Variants in HS6ST3 observed in about 807,000 individuals in gnomAD.
The protein encoded by HS6ST3 is heparan-sulfate 6-O-sulfotransferase 3.
Under a neutral mutation model 36.7 loss-of-function variants are expected in HS6ST3, and 12 were observed. The ratio of observed to expected loss-of-function variants is 0.33; its 90% CI spans 0.21 to 0.53. The LOEUF is 0.53. HS6ST3 is among the 20% of genes least tolerant of loss of function. The pLI is 0.95. For missense variants in HS6ST3, 584 were observed against 640.9 expected (o/e 0.91, Z 0.96); for synonymous variants, 240 against 257.5 (o/e 0.93, Z 0.65).
chr13:96,517,007 A>G (rs1184608114), intron 1 of HS6ST3, among the ~76,000 whole-genome samples: 1 of 152,140 alleles, frequency 6.6e-6, no homozygotes, highest in Non-Finnish European at 1.5e-5. Context: ...CAGTGTTTGA[A>G]AGCTCCCAGA....
chr13:96,358,276 G>C (rs925330790), intron 1 of HS6ST3, among the ~76,000 whole-genome samples: 14 of 142,588 alleles, frequency 9.8e-5, no homozygotes, highest in African/African-American at 3.7e-4. Context: ...GGAGAAAGGT[G>C]GTGGGGCATA....
At chr13:96,723,500 G>A (rs1054359414) in intron 1 of HS6ST3, among the ~76,000 whole-genome samples, 2 of 152,204 alleles carry the variant, frequency 1.3e-5, no homozygotes, top group African/African-American at 4.8e-5. Context: ...TTAAGCCGCT[G>A]TTATTTAGAG....
At position 96,090,831 on chromosome 13, in the gene HS6ST3, G is replaced by A. The variant is rs1386268135; in HGVS notation, c.-32G>A. 3 of 1,463,318 alleles carry A rather than the reference G, an allele frequency of 2.1e-6. No individual in the cohort carries two copies. The highest frequency in any genetic ancestry group is 1.3e-5 in the South Asian group (1 of 76,612). The allele number at this position is 1,463,318 out of a possible 1,614,324, so 90.6% of individuals were successfully genotyped here. A position where few individuals can be genotyped will look rare whatever the true frequency, so the allele number is the denominator to read the frequency against. ...CGTCCGCCCTGCCGCCGCCGCCGCC[G>A]CCGCTTCGCCTGCCGGCCTGAGAGC... is the stretch of plus-strand genomic sequence containing the variant. On this transcript the variant is annotated 5_prime_UTR_variant, in exon 1 of 2. Coordinates refer to ENST00000376705, the MANE Select transcript of HS6ST3 (RefSeq NM_153456.4).
intron 1 of HS6ST3, among the ~76,000 whole-genome samples, chr13:96,262,680 A>G (rs903965142): frequency 1.1e-4 from 17 of 152,226 alleles, no homozygotes; most frequent in African/African-American, 4.1e-4. Flanking sequence ...TGTTGTACTC[A>G]TGCATCAACC....
intron 1 of HS6ST3, among the ~76,000 whole-genome samples, chr13:96,797,972 C>T (rs1478028831): frequency 1.3e-5 from 2 of 152,066 alleles, no homozygotes; most frequent in African/African-American, 4.8e-5. Context: ...TCCTACACCA[C>T]ACTTCTGATG....
intron 1 of HS6ST3, among the ~76,000 whole-genome samples, chr13:96,164,466 A>T (rs1594700610): frequency 6.6e-6 from 1 of 151,772 alleles, no homozygotes; most frequent in Non-Finnish European, 1.5e-5. Flanking sequence ...CTGACGCAGG[A>T]GTATTGCTTG....
intron 1 of HS6ST3, among the ~76,000 whole-genome samples, chr13:96,717,648 T>C (rs1211124474): frequency 6.6e-6 from 1 of 152,212 alleles, no homozygotes; most frequent in South Asian, 2.1e-4. Flanking sequence ...TTTTATTTAT[T>C]CCTCACAACT....
At chr13:96,777,694 A>G (rs2138511719) in intron 1 of HS6ST3, among the ~76,000 whole-genome samples, 1 of 152,304 alleles carries the variant, frequency 6.6e-6, no homozygotes, top group Non-Finnish European at 1.5e-5. Flanking sequence ...AAATGGAAAA[A>G]CATTCCATGT....
At chr13:96,143,346 A>G (rs2054041297) in intron 1 of HS6ST3, among the ~76,000 whole-genome samples, 1 of 151,032 alleles carries the variant, frequency 6.6e-6, no homozygotes, top group South Asian at 2.1e-4. Context: ...ATTATCTGAT[A>G]TATATTCTTG....
intron 1 of HS6ST3, among the ~76,000 whole-genome samples, chr13:96,618,236 C>G (rs2056481566): frequency 6.6e-6 from 1 of 152,072 alleles, no homozygotes; most frequent in African/African-American, 2.4e-5. Context: ...GTGGCTGGAA[C>G]TACAGGTGTG....
At chr13:96,584,643 A>G (rs2056354160) in intron 1 of HS6ST3, among the ~76,000 whole-genome samples, 1 of 152,190 alleles carries the variant, frequency 6.6e-6, no homozygotes, top group South Asian at 2.1e-4. Flanking sequence ...CTTAAGTGGC[A>G]TAACAATGAA....
intron 1 of HS6ST3, among the ~76,000 whole-genome samples, chr13:96,125,343 A>C (rs2053945447): frequency 6.6e-6 from 1 of 152,208 alleles, no homozygotes; most frequent in Non-Finnish European, 1.5e-5. Flanking sequence ...TTCCTTGTTT[A>C]ATAATGAAAA....
intron 1 of HS6ST3, among the ~76,000 whole-genome samples, chr13:96,765,283 A>T (rs1326840830): frequency 2.6e-5 from 4 of 151,882 alleles, no homozygotes; most frequent in Non-Finnish European, 5.9e-5. Flanking sequence ...CATGTTAGCC[A>T]GGGTGGTCTC....
At chr13:96,348,142 A>G (rs1417054312) in intron 1 of HS6ST3, among the ~76,000 whole-genome samples, 2 of 152,256 alleles carry the variant, frequency 1.3e-5, no homozygotes, top group African/African-American at 4.8e-5. Flanking sequence ...GCAAAGCTGC[A>G]TGGAAAGAAA....
intron 1 of HS6ST3, among the ~76,000 whole-genome samples, chr13:96,308,708 C>G (rs544066705): frequency 5.3e-5 from 8 of 152,188 alleles, no homozygotes; most frequent in African/African-American, 1.9e-4. Flanking sequence ...AGCAAGAACC[C>G]CTCTGAACAG....
At chr13:96,136,315 A>T (rs79456022) in intron 1 of HS6ST3, among the ~76,000 whole-genome samples, 60 of 152,304 alleles carry the variant, frequency 3.9e-4, no homozygotes, top group African/African-American at 1.4e-3. Flanking sequence ...TAATTGGCTC[A>T]TTGGCTTCCA....
At chr13:96,519,471 TGG>T (rs1319416154) in intron 1 of HS6ST3, among the ~76,000 whole-genome samples, 6 of 152,146 alleles carry the variant, frequency 3.9e-5, no homozygotes, top group Non-Finnish European at 8.8e-5. Flanking sequence ...GAGGAACAAA[TGG>T]ATGGGTGTTT....
chr13:96,501,130 A>C (rs1443779927), intron 1 of HS6ST3, among the ~76,000 whole-genome samples: 1 of 152,166 alleles, frequency 6.6e-6, no homozygotes, highest in Non-Finnish European at 1.5e-5. Context: ...GAAGAGAGAA[A>C]GATCTTACAA....
At chr13:96,643,705 G>A (rs1039861832) in intron 1 of HS6ST3, among the ~76,000 whole-genome samples, 1 of 151,740 alleles carries the variant, frequency 6.6e-6, no homozygotes, top group Non-Finnish European at 1.5e-5. Flanking sequence ...GGAAACATTA[G>A]ACAGACCAAA....
Sources: gnomAD v4.1 joint callset for allele counts (sites outside exome capture counted in the v4.1 genomes callset) on GRCh38, gnomAD v4.1.1 for gene constraint, MANE v1.5 for transcripts, NCBI Gene and HGNC (gene_info 2026-07-23, HGNC 2026-07-21) for gene names.